The following LMO3 variants were observed in gnomAD, a reference collection of about 807,000 sequenced individuals.
LMO3 encodes LIM domain only 3.
A neutral mutation model predicts 15.8 loss-of-function variants in LMO3; 2 were observed. The observed-to-expected ratio is 0.13, with a 90% CI of 0.05 to 0.40. The LOEUF is 0.40. Among genes scored for constraint, LMO3 ranks in the 10% least tolerant of loss-of-function variants. LMO3 has a pLI of 0.99. For missense variants in LMO3, 86 were observed against 182.2 expected (o/e 0.47, Z 3.04); for synonymous variants, 62 against 63.8 (o/e 0.97, Z 0.13).
rs1276774567 is a variant in LMO3 at position 16,585,725 on chromosome 12, A to G, written c.206+14930T>C. 6.6e-6 allele frequency among the ~76,000 whole-genome samples: 1 copy of G among 152,210 alleles called. No individual in the cohort carries two copies. Among genetic ancestry groups the G allele is most frequent in the Non-Finnish European group, 1.5e-5 (1 of 68,028 alleles). On this transcript the variant is annotated intron_variant, in intron 2 of 3. Coordinates refer to ENST00000537304, the MANE Select transcript of LMO3 (RefSeq NM_018640.5). This position sits in a 1 kb window ranked among gnomAD's most constrained non-coding sequence, Gnocchi z 4.7. ...TAAGCAGCTCCAAATATAATAATAG[A>G]AAGGAAAATATGGGTGAGAAATTAC... is the stretch of plus-strand genomic sequence containing the variant.
At chr12:16,606,569 C>G (rs1845411812), upstream of LMO3, 1 of 152,094 alleles carries the variant, frequency 6.6e-6, no homozygotes, top group Non-Finnish European at 1.5e-5. Context: ...CTCTCCCTCC[C>G]TCTCTCGCTG....
intron 2 of LMO3, among the ~76,000 whole-genome samples, chr12:16,574,971 C>G (rs1373389658): frequency 6.6e-6 from 1 of 152,084 alleles, no homozygotes; most frequent in Non-Finnish European, 1.5e-5. Flanking sequence ...CTTTCTTACC[C>G]TCAATTGAAG....
At chr12:16,561,799 T>C (rs16912030) in intron 2 of LMO3, among the ~76,000 whole-genome samples, 38,009 of 152,126 alleles carry the variant, frequency 0.25, 5,154 homozygotes, top group African/African-American at 0.36. Flanking sequence ...GTGCAATGAA[T>C]GTTTATGCTC....
Position 16,551,088 on chromosome 12 carries a change from A to G in LMO3, c.*134T>C, listed in dbSNP as rs993402966. ...TACATACAGATGCAGTCCGCCTTTT[A>G]TTCCATATAACCATCCTGCCTTCCT... On this transcript the variant is annotated 3_prime_UTR_variant, in exon 4 of 4. Transcript: ENST00000537304. The G allele has an allele frequency of 1.7e-6, 1 of 596,428 alleles. No homozygotes were observed. Among genetic ancestry groups the G allele is most frequent in the Non-Finnish European group, 3.0e-6 (1 of 332,138 alleles). 36.9% of individuals were successfully genotyped at this position (596,428 alleles called of 1,614,324 possible). A position where few individuals can be genotyped will look rare whatever the true frequency, so the allele number is the denominator to read the frequency against.
intron 2 of LMO3, chr12:16,600,407 G>T: frequency 2.4e-6 from 1 of 420,556 alleles, no homozygotes. Flanking sequence ...CATAGGCAGC[G>T]CCATAACCAA....
At chr12:16,594,182 A>T (rs1283725265) in intron 2 of LMO3, 12 of 1,532,328 alleles carry the variant, frequency 7.8e-6, no homozygotes, top group Non-Finnish European at 1.0e-5. Flanking sequence ...GACAAAAGGT[A>T]ATGGCCATTC....
Position 16,597,256 on chromosome 12 carries a change from T to C in LMO3, c.206+3399A>G, listed in dbSNP as rs1419445868. Among the ~76,000 whole-genome samples, 2 of 151,700 alleles carry C rather than the reference T, an allele frequency of 1.3e-5. No homozygotes were observed. Among genetic ancestry groups the C allele is most frequent in the African/African-American group, 4.8e-5 (2 of 41,408 alleles). On this transcript the variant is annotated intron_variant, in intron 2 of 3. Transcript: ENST00000537304. This position sits in a 1 kb window ranked among gnomAD's most constrained non-coding sequence, Gnocchi z 5.0. The stretch of plus-strand genomic sequence containing the variant: ...GATTTTTCTTTCTTTTTCTCTTAAA[T>C]ATAGCTACTAGTGCCATAAAGGAGA...
chr12:16,598,917 G>T lies in LMO3; in HGVS notation c.206+1738C>A. ...TTATTAAAACACCTTAACATTGCCC[G>T]GGCTATATAAACTCCTTATTTGAAA... On this transcript the variant is annotated intron_variant, in intron 2 of 3. Coordinates refer to ENST00000537304, the MANE Select transcript of LMO3 (RefSeq NM_018640.5). This position sits in a 1 kb window ranked among gnomAD's most constrained non-coding sequence, Gnocchi z 4.3. The T allele has an allele frequency of 6.4e-6, 2 of 312,998 alleles. No individual in the cohort carries two copies. Among genetic ancestry groups the T allele is most frequent in the Non-Finnish European group, 1.3e-5 (2 of 155,286 alleles). The allele number at this position is 312,998 out of a possible 1,614,324, so 19.4% of individuals were successfully genotyped here. A position where few individuals can be genotyped will look rare whatever the true frequency, so the allele number is the denominator to read the frequency against.
At chr12:16,569,110 GCAA>G (rs1942721977) in intron 2 of LMO3, among the ~76,000 whole-genome samples, 2 of 152,234 alleles carry the variant, frequency 1.3e-5, no homozygotes, top group Admixed American at 6.5e-5. Context: ...CATGAAGACA[GCAA>G]CAACAATATG....
chr12:16,575,194 C>T lies in LMO3; in HGVS notation c.207-14656G>A, dbSNP rs138955451. ...ATAAAAAGCTCCCTATTCTCTTTTG[C>T]AGCTCAAAATTCATAAATAAACCCA... On this transcript the variant is annotated intron_variant, in intron 2 of 3. Coordinates refer to ENST00000537304, the MANE Select transcript of LMO3 (RefSeq NM_018640.5). Among the ~76,000 whole-genome samples, 49 of 152,264 alleles carry T rather than the reference C, an allele frequency of 3.2e-4. No individual in the cohort carries two copies. In the East Asian group the frequency reaches 6.8e-3, roughly 21 times the overall value.
At chr12:16,567,801 T>C (rs1942669098) in intron 2 of LMO3, among the ~76,000 whole-genome samples, 1 of 152,000 alleles carries the variant, frequency 6.6e-6, no homozygotes, top group Non-Finnish European at 1.5e-5. Context: ...TCTCCTACAC[T>C]CAGGCAAAAC....
At chr12:16,592,161 T>C (rs575442672) in intron 2 of LMO3, among the ~76,000 whole-genome samples, 1 of 152,152 alleles carries the variant, frequency 6.6e-6, no homozygotes, top group African/African-American at 2.4e-5. Flanking sequence ...ATTCATTATT[T>C]ATAAGAACGA....
chr12:16,573,442 T>C (rs973285714), intron 2 of LMO3: 104 of 152,222 alleles, frequency 6.8e-4, no homozygotes, highest in Middle Eastern at 3.2e-3. Context: ...TGCGTGTCTT[T>C]CTATGTGCTT....
rs1290236770 is a variant in LMO3, at chr12:16,598,451, AT to A, written c.206+2203del. 6.6e-6 allele frequency: 1 copy of A among 152,124 alleles called. No individual in the cohort carries two copies. Among genetic ancestry groups the A allele is most frequent in the Non-Finnish European group, 1.5e-5 (1 of 68,014 alleles). The allele number at this position is 152,124 out of a possible 1,614,324, so 9.4% of individuals were successfully genotyped here. On this transcript the variant is annotated intron_variant, in intron 2 of 3. Coordinates refer to ENST00000537304, the MANE Select transcript of LMO3 (RefSeq NM_018640.5). The surrounding 1 kb of genome is among the most constrained non-coding windows in gnomAD (Gnocchi z 4.3). ...CTGGCCATTAATGTGGTAATGACCA[AT>A]TTAAGCGGAAATCGTACTCTGAGAA...
At chr12:16,572,339 C>CTTTTTTTTTTTTTTTTTTTTT (rs59773866) in intron 2 of LMO3, among the ~76,000 whole-genome samples, 3 of 89,530 alleles carry the variant, frequency 3.4e-5, no homozygotes, top group Non-Finnish European at 6.2e-5. Flanking sequence ...GGTCCAAACT[C>CTTTTTTTTTTTTTTTTTTTTT]TTTTTTTTTT....
intron 2 of LMO3, among the ~76,000 whole-genome samples, chr12:16,571,589 A>G (rs1209436661): frequency 2.0e-5 from 3 of 152,032 alleles, no homozygotes; most frequent in Non-Finnish European, 1.5e-5. Context: ...TCTTTATCAA[A>G]AATGTCCTGG....
chr12:16,605,171 C>T (rs1454415194), intron 1 of LMO3: 1 of 1,368,512 alleles, frequency 7.3e-7, no homozygotes, highest in Admixed American at 3.2e-5. Context: ...GCTTCCCTAA[C>T]TCTGCCCGTA....
intron 2 of LMO3, among the ~76,000 whole-genome samples, chr12:16,574,209 G>T: frequency 6.6e-6 from 1 of 151,916 alleles, no homozygotes; most frequent in Non-Finnish European, 1.5e-5. Context: ...TACATATCTC[G>T]ATCACATTGA....
chr12:16,572,204 T>C lies in LMO3; in HGVS notation c.207-11666A>G, dbSNP rs558997057. On this transcript the variant is annotated intron_variant, in intron 2 of 3. Transcript: ENST00000537304. ...TCAATCCAGTATTAAGAAGGAGAAA[T>C]ACTAAAGTTGTACTTTTACGTAGTA... 7.6e-4 allele frequency among the ~76,000 whole-genome samples: 116 copies of C among 152,036 alleles called. 1 individual carries two copies. The highest frequency in any genetic ancestry group is 2.7e-3 in the African/African-American group (114 of 41,536).
Sources: allele counts gnomAD v4.1 joint callset (sites outside exome capture counted in the v4.1 genomes callset), GRCh38; gene constraint gnomAD v4.1.1; non-coding constraint Gnocchi (gnomAD v3.1); transcripts MANE v1.5; gene names NCBI Gene and HGNC (gene_info 2026-07-23, HGNC 2026-07-21).